Variants in PARD6B observed in about 807,000 individuals in gnomAD.
PARD6B encodes the protein par-6 family cell polarity regulator beta.
Under a neutral mutation model 10.5 loss-of-function variants are expected in PARD6B, and 4 were observed. That is an observed-to-expected ratio of 0.38 (90% CI 0.19 to 0.87). The LOEUF (loss-of-function observed/expected upper bound fraction) is 0.87, where lower values mean the gene tolerates loss of function less well. Among genes scored for constraint, PARD6B ranks in the 40% least tolerant of loss-of-function variants. PARD6B has a pLI of 0.41. For missense variants in PARD6B, 396 were observed against 470.6 expected (o/e 0.84, Z 1.47); for synonymous variants, 169 against 170.4 (o/e 0.99, Z 0.07).
At chr20:50,736,990 G>A (rs186054595) in intron 1 of PARD6B, among the ~76,000 whole-genome samples, 28 of 152,308 alleles carry the variant, frequency 1.8e-4, no homozygotes, top group East Asian at 1.5e-3. Context: ...GAGCCATCGC[G>A]CCTGGCCTCA....
intron 2 of PARD6B, 100 bp downstream of exon 2, chr20:50,738,179 C>A (rs1327572689): frequency 1.3e-6 from 1 of 775,840 alleles, no homozygotes; most frequent in Non-Finnish European, 2.0e-6. Context: ...AGTGAATAAA[C>A]ATTTTGTGTG....
chr20:50,743,844 G>C (rs9941758), intron 2 of PARD6B, among the ~76,000 whole-genome samples: 1 of 149,094 alleles, frequency 6.7e-6, no homozygotes, highest in East Asian at 2.0e-4. Context: ...AGCCTAGATC[G>C]CGCCACTGCA....
At chr20:50,744,120 T>TTTC (rs2087549180) in intron 2 of PARD6B, among the ~76,000 whole-genome samples, 1 of 142,222 alleles carries the variant, frequency 7.0e-6, no homozygotes, top group Non-Finnish European at 1.5e-5. Context: ...TTTTTTTTTT[T>TTTC]TTTTTTTTTC....
At chr20:50,741,200 A>AGGCTGCAGTAGCTTCT (rs2087528525) in intron 2 of PARD6B, among the ~76,000 whole-genome samples, 2 of 151,964 alleles carry the variant, frequency 1.3e-5, no homozygotes, top group South Asian at 2.1e-4. Flanking sequence ...ACCTCAGGTG[A>AGGCTGCAGTAGCTTCT]TCCACCCGTC....
rs868393968 is a variant in PARD6B, at chr20:50,751,985, C to T, written c.*1497C>T. On this transcript the variant is annotated 3_prime_UTR_variant, in exon 3 of 3. Coordinates refer to ENST00000371610, the MANE Select transcript of PARD6B (RefSeq NM_032521.3). ...CAAAGTGCTGGATTGCAGGCATGAG[C>T]GCCTAGCCAGGAAGCTATCTTTTCT... 4.2e-5 allele frequency: 41 copies of T among 985,222 alleles called. No individual in the cohort carries two copies. The highest frequency in any genetic ancestry group is 4.7e-5 in the South Asian group (1 of 21,284). 61.0% of individuals were successfully genotyped at this position (985,222 alleles called of 1,614,324 possible). A position where few individuals can be genotyped will look rare whatever the true frequency, so the allele number is the denominator to read the frequency against.
chr20:50,741,107 C>T (rs999337494), intron 2 of PARD6B, among the ~76,000 whole-genome samples: 2 of 151,900 alleles, frequency 1.3e-5, no homozygotes, highest in East Asian at 1.9e-4. Context: ...ACTACAGGTG[C>T]ATGCCACCAT....
chr20:50,738,090 C>G lies in PARD6B; in HGVS notation c.289+11C>G. 1 of 1,544,292 alleles carries G rather than the reference C, an allele frequency of 6.5e-7. No individual in the cohort carries two copies. On this transcript the variant is annotated intron_variant, in intron 2 of 2. Coordinates refer to ENST00000371610, the MANE Select transcript of PARD6B (RefSeq NM_032521.3). ...TTATACAAAAGAAGGGTAAGTATCA[C>G]TGTTTAGAAAAATTGTGTTAGAAAT...
chr20:50,740,969 T>TC (rs1057281683), intron 2 of PARD6B, among the ~76,000 whole-genome samples: 9 of 151,206 alleles, frequency 6.0e-5, no homozygotes, highest in African/African-American at 2.2e-4. Flanking sequence ...TTCTTTTTTT[T>TC]TTTTTTTTTG....
In PARD6B at chr20:50,752,088, T is replaced by G. The variant is rs1210852070; in HGVS notation, c.*1600T>G. The G allele has an allele frequency of 1.0e-6, 1 of 984,980 alleles. No homozygotes were observed. The highest frequency in any genetic ancestry group is 1.1e-4 in the East Asian group (1 of 8,818). 61.0% of individuals were successfully genotyped at this position (984,980 alleles called of 1,614,324 possible). On this transcript the variant is annotated 3_prime_UTR_variant, in exon 3 of 3. Transcript: ENST00000371610. The stretch of plus-strand genomic sequence containing the variant: ...AGCTTTCATATTTTCAAATTAATTC[T>G]GTATGGCTATATAATTTATGTTTTA...
rs1372459365 is a variant in PARD6B, at chr20:50,753,689, G to A, written c.*3201G>A. On this transcript the variant is annotated 3_prime_UTR_variant, in exon 3 of 3. Transcript: ENST00000371610. ...AACTTCGATTTTAAAAATCAAATTA[G>A]CTTTAGTTGTATATTATTTTTTACA... 1 of 708,368 alleles carries A rather than the reference G, an allele frequency of 1.4e-6. No individual in the cohort carries two copies. Among genetic ancestry groups the A allele is most frequent in the African/African-American group, 1.9e-5 (1 of 51,700 alleles). The allele number at this position is 708,368 out of a possible 1,614,324, so 43.9% of individuals were successfully genotyped here.
Position 50,749,731 on chromosome 20 carries a change from G to A in PARD6B, c.362G>A (p.Arg121His), listed in dbSNP as rs778030373. Residue 121 changes from arginine to histidine, a missense_variant, in exon 3 of 3, where the codon CGT becomes CAT. Coordinates refer to ENST00000371610, the MANE Select transcript of PARD6B (RefSeq NM_032521.3). Reference protein sequence around the residue: ...KKKNVLTNVLRPDNHRKKPHI... With the variant: ...KKKNVLTNVLHPDNHRKKPHI... Reference sequence around the variant, plus strand: ...AAGAATGTTTTAACCAACGTATTGCGTCCTGACAACCATAGAAAAAAGCCA... The same window carrying A: ...AAGAATGTTTTAACCAACGTATTGCATCCTGACAACCATAGAAAAAAGCCA... The A allele has an allele frequency of 4.2e-5, 67 of 1,613,940 alleles. No homozygotes were observed. In the Admixed American group the frequency reaches 8.3e-4, roughly 20 times the overall value.
chr20:50,753,012 A>G lies in PARD6B; in HGVS notation c.*2524A>G, dbSNP rs1233977880. 2 of 982,978 alleles carry G rather than the reference A, an allele frequency of 2.0e-6. No homozygotes were observed. Among genetic ancestry groups the G allele is most frequent in the Non-Finnish European group, 2.4e-6 (2 of 827,500 alleles). The allele number at this position is 982,978 out of a possible 1,614,324, so 60.9% of individuals were successfully genotyped here. A position where few individuals can be genotyped will look rare whatever the true frequency, so the allele number is the denominator to read the frequency against. On this transcript the variant is annotated 3_prime_UTR_variant, in exon 3 of 3. Coordinates refer to ENST00000371610, the MANE Select transcript of PARD6B (RefSeq NM_032521.3). ...GTATGTAGAAGGTTAACTTTCATTT[A>G]TAATATAAGTGGTGCAGGGGTTCAA...
intron 2 of PARD6B, among the ~76,000 whole-genome samples, chr20:50,748,602 G>A (rs966160989): frequency 7.2e-5 from 11 of 152,146 alleles, no homozygotes; most frequent in Non-Finnish European, 1.2e-4. Context: ...ATCATAGTGC[G>A]CTGCAGACCT....
rs1326393664 is a variant in PARD6B at position 50,741,025 on chromosome 20, A to G, written c.289+2946A>G. On this transcript the variant is annotated intron_variant, in intron 2 of 2. Transcript: ENST00000371610. ...ACCCAGGCTGGAGTGCAGTGGTGCAATCTCGGCTCACTGCAACCTCTGCTT... is the reference window on the plus strand; with the variant it reads ...ACCCAGGCTGGAGTGCAGTGGTGCAGTCTCGGCTCACTGCAACCTCTGCTT... 4.7e-5 allele frequency among the ~76,000 whole-genome samples: 7 copies of G among 150,454 alleles called. No individual in the cohort carries two copies. In the East Asian group the frequency reaches 7.8e-4, roughly 17 times the overall value.
Position 50,747,798 on chromosome 20 carries a change from A to C in PARD6B, c.290-1861A>C, listed in dbSNP as rs564813553. On this transcript the variant is annotated intron_variant, in intron 2 of 2. Coordinates refer to ENST00000371610, the MANE Select transcript of PARD6B (RefSeq NM_032521.3). The stretch of plus-strand genomic sequence containing the variant: ...ATTATTTAATTAGGCGGCAGTATTT[A>C]AAGATCGCAAGATTTTGCCTAAAAA... Among the ~76,000 whole-genome samples, 179 of 151,994 alleles carry C rather than the reference A, an allele frequency of 1.2e-3. 1 individual carries two copies. The highest frequency in any genetic ancestry group is 2.1e-3 in the Non-Finnish European group (145 of 68,014).
chr20:50,742,218 A>G (rs571921216), intron 2 of PARD6B, among the ~76,000 whole-genome samples: 6 of 151,898 alleles, frequency 4.0e-5, no homozygotes, highest in African/African-American at 1.4e-4. Context: ...TAATTTTTGT[A>G]TTTTTAGTAG....
Position 50,753,509 on chromosome 20 carries a change from TCAA to T in PARD6B, c.*3025_*3027del. ...AATTTATGATAATGTTCTCGAGCTATCAACAAAATATATGTACTTTTGTGAGCT... is the reference window on the plus strand; with the variant it reads ...AATTTATGATAATGTTCTCGAGCTATCAAAATATATGTACTTTTGTGAGCT... On this transcript the variant is annotated 3_prime_UTR_variant, in exon 3 of 3. Coordinates refer to ENST00000371610, the MANE Select transcript of PARD6B (RefSeq NM_032521.3). 1 of 952,718 alleles carries T rather than the reference TCAA, an allele frequency of 1.0e-6. No individual in the cohort carries two copies. The allele number at this position is 952,718 out of a possible 1,614,324, so 59.0% of individuals were successfully genotyped here. A position where few individuals can be genotyped will look rare whatever the true frequency, so the allele number is the denominator to read the frequency against.
intron 2 of PARD6B, among the ~76,000 whole-genome samples, chr20:50,741,261 G>A (rs1018480141): frequency 1.3e-5 from 2 of 151,888 alleles, no homozygotes; most frequent in Admixed American, 6.6e-5. Flanking sequence ...GCACCCAGCC[G>A]TTAGCTTGTT....
Position 50,751,991 on chromosome 20 carries a change from G to A in PARD6B, c.*1503G>A. On this transcript the variant is annotated 3_prime_UTR_variant, in exon 3 of 3. Transcript: ENST00000371610. Reference sequence around the variant, plus strand: ...GCTGGATTGCAGGCATGAGCGCCTAGCCAGGAAGCTATCTTTTCTTGAGTT... The same window carrying A: ...GCTGGATTGCAGGCATGAGCGCCTAACCAGGAAGCTATCTTTTCTTGAGTT... The A allele has an allele frequency of 1.0e-6, 1 of 985,352 alleles. No individual in the cohort carries two copies. The allele number at this position is 985,352 out of a possible 1,614,324, so 61.0% of individuals were successfully genotyped here. A position where few individuals can be genotyped will look rare whatever the true frequency, so the allele number is the denominator to read the frequency against.
Sources: gnomAD v4.1 joint callset for allele counts (sites outside exome capture counted in the v4.1 genomes callset) on GRCh38, gnomAD v4.1.1 for gene constraint, MANE v1.5 for transcripts, NCBI Gene and HGNC (gene_info 2026-07-23, HGNC 2026-07-21) for gene names.